COG6: variants seen among roughly 807,000 people sequenced by gnomAD.
The protein encoded by COG6 is component of oligomeric golgi complex 6.
In COG6, 74 loss-of-function variants were observed where a neutral mutation model predicts 88.8. That is an observed-to-expected ratio of 0.83 (90% CI 0.69 to 1.01). The LOEUF is 1.01. Among genes scored for constraint, COG6 ranks in the 50% least tolerant of loss-of-function variants. The probability of loss-of-function intolerance (pLI) is 0.00; values close to 1 mark genes in which losing one functional copy is unlikely to be tolerated. For missense variants in COG6, 800 were observed against 797.9 expected, an observed-to-expected ratio of 1.00 and a Z score of -0.03; for synonymous variants, 286 against 278.7, an observed-to-expected ratio of 1.03 and a Z score of -0.26.
chr13:39,750,893 GTAAA>G, intron 18 of COG6, 49 bp from the exon 19 acceptor site: 9 of 1,402,172 alleles, frequency 6.4e-6, no homozygotes, highest in Non-Finnish European at 9.0e-6. Flanking sequence ...ACAATTCTTA[GTAAA>G]TATATTTTTT....
Position 39,785,921 on chromosome 13 carries a change from G to A in COG6, c.1827-2414G>A, listed in dbSNP as rs545280053. 1.7e-4 allele frequency among the ~76,000 whole-genome samples: 26 copies of A among 152,232 alleles called. No individual in the cohort carries two copies. In the South Asian group the frequency reaches 5.2e-3, roughly 30 times the overall value. ...CTCAGCTTTGGGGAGTGAAGGAAAT[G>A]ATATATCAAAGTAGGGACAGAACTC... On this transcript the variant is annotated intron_variant, in intron 18 of 18. Coordinates refer to the COG6 transcript ENST00000416691.
At chr13:39,656,662 A>G (rs939604332) in intron 1 of COG6, among the ~76,000 whole-genome samples, 1 of 152,158 alleles carries the variant, frequency 6.6e-6, no homozygotes, top group Non-Finnish European at 1.5e-5. Context: ...GTAACTGAAA[A>G]TAAGCTGTCG....
At chr13:39,725,832 T>C (rs1304170697) in intron 17 of COG6, among the ~76,000 whole-genome samples, 1 of 151,662 alleles carries the variant, frequency 6.6e-6, no homozygotes, top group Non-Finnish European at 1.5e-5. Flanking sequence ...CTTACCATAC[T>C]ATCCAGTACA....
intron 18 of COG6, among the ~76,000 whole-genome samples, chr13:39,757,947 C>T (rs1212704188): frequency 6.6e-6 from 1 of 152,148 alleles, no homozygotes; most frequent in Non-Finnish European, 1.5e-5. Context: ...CGAGGGCTGG[C>T]ACAGTGGCTC....
At chr13:39,740,770 CTTATAT>C (rs1179782118) in intron 18 of COG6, among the ~76,000 whole-genome samples, 1 of 152,070 alleles carries the variant, frequency 6.6e-6, no homozygotes, top group Non-Finnish European at 1.5e-5. Flanking sequence ...TGTGACATTT[CTTATAT>C]TTATATGGTA....
At chr13:39,724,689 C>A in intron 17 of COG6, 128 bp downstream of exon 17, 1 of 738,794 alleles carries the variant, frequency 1.4e-6, no homozygotes, top group South Asian at 1.6e-5. Context: ...AACGTTGGGT[C>A]CAATAATAAT....
intron 18 of COG6, among the ~76,000 whole-genome samples, chr13:39,735,022 C>A (rs1203362124): frequency 6.6e-6 from 1 of 151,612 alleles, no homozygotes; most frequent in East Asian, 1.9e-4. Flanking sequence ...TTTTTGTAGG[C>A]AACAGATTTT....
At chr13:39,750,108 AAC>A (rs1187557158) in intron 18 of COG6, among the ~76,000 whole-genome samples, 1 of 152,200 alleles carries the variant, frequency 6.6e-6, no homozygotes, top group Non-Finnish European at 1.5e-5. Flanking sequence ...CAAAGCTTTA[AAC>A]ACACATTTTT....
chr13:39,676,175 C>G (rs945159379), intron 4 of COG6, among the ~76,000 whole-genome samples: 3 of 151,968 alleles, frequency 2.0e-5, no homozygotes, highest in African/African-American at 4.8e-5. Flanking sequence ...TCTTCCTGTC[C>G]CCTTCTCCCC....
Position 39,721,776 on chromosome 13 carries a change from T to C in COG6, c.1585-1557T>C, listed in dbSNP as rs149852862. ...TAACCTATTATTTTTTTCCCACTCT[T>C]ATATAGCTTCTTCCAGTGTTTCAAG... On this transcript the variant is annotated intron_variant, in intron 15 of 18. Coordinates refer to ENST00000455146, the MANE Select transcript of COG6 (RefSeq NM_020751.3). Among the ~76,000 whole-genome samples, 15 of 152,200 alleles carry C rather than the reference T, an allele frequency of 9.9e-5. No homozygotes were observed. The East Asian group carries it at 2.9e-3, about 29-fold the overall frequency.
At chr13:39,775,939 T>C (rs527874535) in intron 18 of COG6, among the ~76,000 whole-genome samples, 74 of 152,184 alleles carry the variant, frequency 4.9e-4, no homozygotes, top group Non-Finnish European at 9.6e-4. Flanking sequence ...CTGGCTAATT[T>C]CATATTTTTA....
chr13:39,764,662 A>G (rs1881114751), intron 18 of COG6, among the ~76,000 whole-genome samples: 1 of 152,068 alleles, frequency 6.6e-6, no homozygotes, highest in South Asian at 2.1e-4. Context: ...TTTCAAACAT[A>G]TGAATGTTTT....
intron 4 of COG6, among the ~76,000 whole-genome samples, chr13:39,673,439 T>C (rs868319953): frequency 6.6e-6 from 1 of 151,998 alleles, no homozygotes; most frequent in Non-Finnish European, 1.5e-5. Context: ...AACCAGTCTT[T>C]CAAAAACGTT....
chr13:39,691,910 T>G (rs1359076136), intron 11 of COG6, among the ~76,000 whole-genome samples: 1 of 152,012 alleles, frequency 6.6e-6, no homozygotes, highest in Non-Finnish European at 1.5e-5. Context: ...GCTACTTTTC[T>G]GTCCATCATT....
At chr13:39,778,417 T>C (rs1881528014) in intron 18 of COG6, among the ~76,000 whole-genome samples, 1 of 152,212 alleles carries the variant, frequency 6.6e-6, no homozygotes. Context: ...GATTTCTAAG[T>C]GTCTAAAAAC....
Position 39,694,665 on chromosome 13 carries a change from C to T in COG6, c.1106C>T (p.Pro369Leu). The change falls in exon 12 of 19, where the codon CCT becomes CTT. Residue 369 changes from proline (P) to leucine (L), a missense_variant. Transcript: ENST00000455146. ...VRIEQVIVAE[P>L]GAVLLYKISN... is the part of the protein sequence containing the mutation. ...ATTGAGCAAGTAATAGTTGCTGAAC[C>T]TGGGGCAGTTTTATTATATAAAATT... 6.2e-7 allele frequency: 1 copy of T among 1,601,276 alleles called. No homozygotes were observed. Among genetic ancestry groups the T allele is most frequent in the South Asian group, 1.1e-5 (1 of 90,108 alleles).
intron 8 of COG6, 27 bp from the exon 9 acceptor site, chr13:39,687,476 A>G: frequency 1.2e-6 from 2 of 1,608,254 alleles, no homozygotes; most frequent in South Asian, 1.1e-5. Context: ...AACCCCAACC[A>G]TTTTTTATAT....
intron 18 of COG6, among the ~76,000 whole-genome samples, chr13:39,737,024 C>T (rs978433505): frequency 4.6e-5 from 7 of 152,176 alleles, no homozygotes; most frequent in African/African-American, 1.7e-4. Context: ...GCAGCCATAT[C>T]TACATTAGGG....
At chr13:39,781,241 A>G (rs1033195519) in intron 18 of COG6, among the ~76,000 whole-genome samples, 2 of 152,094 alleles carry the variant, frequency 1.3e-5, no homozygotes, top group African/African-American at 2.4e-5. Flanking sequence ...CACATAATAC[A>G]TGGGCGCTTA....
Sources: gnomAD v4.1 joint callset for allele counts (sites outside exome capture counted in the v4.1 genomes callset) on GRCh38, gnomAD v4.1.1 for gene constraint, MANE v1.5 for transcripts, NCBI Gene and HGNC (gene_info 2026-07-23, HGNC 2026-07-21) for gene names.